FASTKD3: variants seen among roughly 807,000 people sequenced by gnomAD.
FASTKD3 encodes the protein FAST kinase domains 3.
In FASTKD3, 47 loss-of-function variants were observed where a neutral mutation model predicts 49.7. That is an observed-to-expected ratio of 0.95 (90% CI 0.75 to 1.21). FASTKD3 has a LOEUF of 1.21. FASTKD3 is among the 50% of genes most tolerant of loss of function. The pLI is 0.00. For missense variants in FASTKD3, 748 were observed against 765.7 expected (o/e 0.98, Z 0.27); for synonymous variants, 284 against 288.6 (o/e 0.98, Z 0.16).
intron 3 of FASTKD3, among the ~76,000 whole-genome samples, chr5:7,864,411 G>A (rs1044761558): frequency 6.6e-6 from 1 of 151,772 alleles, no homozygotes; most frequent in Non-Finnish European, 1.5e-5. Flanking sequence ...TAGGAACCTC[G>A]GAAGTCATAA....
intron 6 of FASTKD3, among the ~76,000 whole-genome samples, chr5:7,860,285 G>C (rs1170024665): frequency 6.6e-6 from 1 of 152,072 alleles, no homozygotes; most frequent in Non-Finnish European, 1.5e-5. Context: ...AGAGAATTAG[G>C]GCAGCGCTCA....
chr5:7,861,059 G>T (rs942133259), intron 6 of FASTKD3, 90 bp downstream of exon 6: 4 of 741,704 alleles, frequency 5.4e-6, no homozygotes, highest in African/African-American at 5.3e-5. Flanking sequence ...ATTTTACTGT[G>T]CCTCAGATTA....
In FASTKD3 at chr5:7,866,780, A is replaced by G; in HGVS notation, c.1304T>C (p.Val435Ala). ...AAAATAATTGAAATGAGTGAATAGC[A>G]CGTTTTCCAGCTTTCTAAATAAAGC... is the stretch of plus-strand genomic sequence containing the variant. ...ASALFRKLENVLFTHFNYFPP... is the reference protein window; with the variant it reads ...ASALFRKLENALFTHFNYFPP... The change falls in exon 2 of 7, where the codon GTG (valine) becomes GCG (alanine). Residue 435 changes from valine to alanine, a missense_variant. Coordinates refer to ENST00000264669, the MANE Select transcript of FASTKD3 (RefSeq NM_024091.4). The G allele has an allele frequency of 6.2e-7, 1 of 1,614,184 alleles. No individual in the cohort carries two copies. Among genetic ancestry groups the G allele is most frequent in the Non-Finnish European group, 8.5e-7 (1 of 1,180,012 alleles).
rs780840826 is a variant in FASTKD3 at position 7,859,547 on chromosome 5, G to T, written c.1885-8C>A. On this transcript the variant is annotated splice_polypyrimidine_tract_variant and splice_region_variant and intron_variant, in intron 6 of 6. Transcript: ENST00000264669. Reference sequence around the variant, plus strand: ...AATCTCATGATAGGGGATCTGTAAAGGTAGAAAAGTAAAACTGGTCAAGAT... The same window carrying T: ...AATCTCATGATAGGGGATCTGTAAATGTAGAAAAGTAAAACTGGTCAAGAT... The T allele has an allele frequency of 1.9e-6, 3 of 1,549,176 alleles. No individual in the cohort carries two copies. The highest frequency in any genetic ancestry group is 2.3e-5 in the South Asian group (2 of 85,394).
intron 3 of FASTKD3, among the ~76,000 whole-genome samples, chr5:7,864,539 C>A (rs1746795319): frequency 6.6e-6 from 1 of 152,052 alleles, no homozygotes; most frequent in Admixed American, 6.5e-5. Flanking sequence ...ATCTGTTTTA[C>A]AATGAGTCCT....
intron 1 of FASTKD3, 74 bp from the exon 2 acceptor site, chr5:7,868,270 A>G (rs575564462): frequency 1.9e-6 from 1 of 530,106 alleles, no homozygotes; most frequent in Non-Finnish European, 3.3e-6. Context: ...TCTGCATCCT[A>G]GAGTTAGAAG....
At chr5:7,863,073 G>A (rs1746671993) in intron 3 of FASTKD3, 76 bp from the exon 4 acceptor site, 1 of 1,334,764 alleles carries the variant, frequency 7.5e-7, no homozygotes, top group African/African-American at 1.5e-5. Context: ...GGTTACCTAG[G>A]TAGAAAAGTT....
chr5:7,863,454 G>C (rs1746697103), intron 3 of FASTKD3, among the ~76,000 whole-genome samples: 1 of 152,182 alleles, frequency 6.6e-6, no homozygotes, highest in African/African-American at 2.4e-5. Context: ...TTTAAGCACA[G>C]ACAGGCTGCT....
chr5:7,868,851 C>G (rs1747288072), intron 1 of FASTKD3, 128 bp downstream of exon 1: 1 of 541,746 alleles, frequency 1.8e-6, no homozygotes, highest in Non-Finnish European at 3.3e-6. Context: ...GGGCGAGCAC[C>G]CCCAAACTCG....
chr5:7,864,155 T>C lies in FASTKD3; in HGVS notation c.1525-1158A>G, dbSNP rs184293281. Among the ~76,000 whole-genome samples the C allele has an allele frequency of 2.3e-3, 346 of 152,226 alleles. 2 individuals carry two copies. The highest frequency in any genetic ancestry group is 8.2e-3 in the African/African-American group (339 of 41,540). On this transcript the variant is annotated intron_variant, in intron 3 of 6. Coordinates refer to ENST00000264669, the MANE Select transcript of FASTKD3 (RefSeq NM_024091.4). The stretch of plus-strand genomic sequence containing the variant: ...CATGAGCCACTGCGCACGGCAAGAG[T>C]ACATTTTAAATATTCTTACCACAAA...
Position 7,866,893 on chromosome 5 carries a change from A to G in FASTKD3, c.1191T>C (p.Val397=). Reference sequence around the variant, plus strand: ...GAGGTGAAAATTTTTCTGTTTGGCAAACAAAAGTTTCTGCCACTGCATTGA... The same window carrying G: ...GAGGTGAAAATTTTTCTGTTTGGCAGACAAAAGTTTCTGCCACTGCATTGA... ...PILNAVAETF[V]CQTEKFSPRQ... Residue 397 remains valine (V), a synonymous_variant, in exon 2 of 7, where the codon GTT becomes GTC. Transcript: ENST00000264669. 6.2e-7 allele frequency: 1 copy of G among 1,614,178 alleles called. No homozygotes were observed. The highest frequency in any genetic ancestry group is 1.1e-5 in the South Asian group (1 of 91,066).
At chr5:7,860,085 A>C (rs553252291) in intron 6 of FASTKD3, among the ~76,000 whole-genome samples, 2 of 152,328 alleles carry the variant, frequency 1.3e-5, no homozygotes, top group Admixed American at 6.5e-5. Flanking sequence ...CTGCAGGCCA[A>C]CCATTGGAGG....
In FASTKD3 at chr5:7,868,085, C is replaced by T. The variant is rs371947698; in HGVS notation, c.-2G>A. ...CTTCCTCAAGGTGATTAATGCCATA[C>T]CATCAGATTCTCAATTTGATAACTA... On this transcript the variant is annotated 5_prime_UTR_variant, in exon 2 of 7. Coordinates refer to ENST00000264669, the MANE Select transcript of FASTKD3 (RefSeq NM_024091.4). 1.9e-6 allele frequency: 3 copies of T among 1,564,482 alleles called. No individual in the cohort carries two copies. Among genetic ancestry groups the T allele is most frequent in the Non-Finnish European group, 2.6e-6 (3 of 1,157,112 alleles).
Position 7,859,472 on chromosome 5 carries a change from A to C in FASTKD3, c.1952T>G (p.Leu651Arg). The C allele has an allele frequency of 6.2e-7, 1 of 1,607,660 alleles. No individual in the cohort carries two copies. The highest frequency in any genetic ancestry group is 8.5e-7 in the Non-Finnish European group (1 of 1,176,824). Residue 651 changes from leucine (L) to arginine (R), a missense_variant, in exon 7 of 7, where the codon CTG becomes CGG. Coordinates refer to ENST00000264669, the MANE Select transcript of FASTKD3 (RefSeq NM_024091.4). ...RELVEYLQRK[L>R]FSQNTVHWLQ... ...CCAATGAACAGTGTTTTGAGAAAAC[A>C]GTTTTCTTTGTAAATATTCCACCAA... is the stretch of plus-strand genomic sequence containing the variant.
intron 3 of FASTKD3, among the ~76,000 whole-genome samples, chr5:7,863,745 C>A (rs138993878): frequency 6.6e-6 from 1 of 152,170 alleles, no homozygotes; most frequent in Non-Finnish European, 1.5e-5. Context: ...TCATCCATGA[C>A]AGATGCTAAT....
chr5:7,866,607 T>C, intron 2 of FASTKD3, 39 bp downstream of exon 2: 5 of 1,452,882 alleles, frequency 3.4e-6, no homozygotes, highest in Non-Finnish European at 4.7e-6. Context: ...AGTTCAAAGG[T>C]TACTTTTTTC....
rs376052553 is a variant in FASTKD3 at position 7,867,936 on chromosome 5, G to C, written c.148C>G (p.Pro50Ala). 1 of 1,614,016 alleles carries C rather than the reference G, an allele frequency of 6.2e-7. No homozygotes were observed. The highest frequency in any genetic ancestry group is 1.3e-5 in the African/African-American group (1 of 74,904). The change falls in exon 2 of 7, where the codon CCT becomes GCT. Residue 50 changes from proline to alanine, a missense_variant. Pro to Ala is a conservative substitution (Grantham distance 27). Transcript: ENST00000264669. ...TGGAATTTGACCCCGAAAGGCTCAG[G>C]TTGTCGTGAACACAACCAAGGGCAC... is the stretch of plus-strand genomic sequence containing the variant. ...RLCPWLCSRQ[P>A]EPFGVKFHHA...
chr5:7,861,510 T>C (rs1221552937), intron 5 of FASTKD3, 73 bp downstream of exon 5: 1 of 1,111,776 alleles, frequency 9.0e-7, no homozygotes, highest in East Asian at 2.7e-5. Flanking sequence ...TTTCACCTTC[T>C]TGAGAAAAAG....
rs1296715570 is a variant in FASTKD3, at chr5:7,867,875, C to T, written c.209G>A (p.Gly70Glu). The change falls in exon 2 of 7, where the codon GGA becomes GAA. Residue 70 changes from glycine (G) to glutamate (E), a missense_variant. By Grantham distance (98) the Gly-to-Glu change is moderately conservative. Transcript: ENST00000264669. ...AHCKKFHSKN[G>E]NDLHPLGGPV... ...TCCACCGAGTGGATGAAGGTCATTT[C>T]CATTTTTCGAATGAAACTTTTTACA... The T allele has an allele frequency of 1.9e-6, 3 of 1,614,158 alleles. No individual in the cohort carries two copies. The highest frequency in any genetic ancestry group is 3.3e-5 in the Admixed American group (2 of 60,008).
Sources: gnomAD v4.1 joint callset for allele counts (sites outside exome capture counted in the v4.1 genomes callset) on GRCh38, gnomAD v4.1.1 for gene constraint, MANE v1.5 for transcripts, NCBI Gene and HGNC (gene_info 2026-07-23, HGNC 2026-07-21) for gene names.